The following COL28A1 variants were observed in gnomAD, a reference collection of about 807,000 sequenced individuals.
COL28A1 encodes the protein collagen alpha-1(XXVIII) chain.
A neutral mutation model predicts 150.2 loss-of-function variants in COL28A1; 161 were observed. The ratio of observed to expected loss-of-function variants is 1.07; its 90% confidence interval spans 0.94 to 1.22. COL28A1 has a LOEUF of 1.22. Among genes scored for constraint, COL28A1 ranks in the 50% most tolerant of loss-of-function variants. The pLI is 0.00. For synonymous variants in COL28A1, 552 were observed against 469.7 expected, an observed-to-expected ratio of 1.18 and a Z score of -2.26; for missense variants, 1,617 against 1,388.3, an observed-to-expected ratio of 1.16 and a Z score of -2.62.
At chr7:7,497,094 A>AAAGGAAGGAAGGAAGGAAGGAAGGAAGG (rs141012538) in intron 11 of COL28A1, among the ~76,000 whole-genome samples, 1 of 123,770 alleles carries the variant, frequency 8.1e-6, no homozygotes, top group Non-Finnish European at 1.6e-5. Context: ...AGGAAGGAAG[A>AAAGGAAGGAAGGAAGGAAGGAAGGAAGG]AAGGAAGGAA....
intron 30 of COL28A1, 89 bp from the exon 31 acceptor site, chr7:7,375,586 C>T (rs1294651): frequency 0.78 from 622,530 of 798,138 alleles, 242,975 homozygotes; most frequent in South Asian, 0.84. Context: ...ACAATCAGCA[C>T]TGGACCATTT....
rs542347001 is a variant in COL28A1 at position 7,445,556 on chromosome 7, C to T, written c.1510-1067G>A. On this transcript the variant is annotated intron_variant, in intron 18 of 34. Transcript: ENST00000399429. ...TAAAAGTGAAATAACAAATTTGTGC[C>T]CTAACAACACTTCCAGCTCTAATAT... Among the ~76,000 whole-genome samples, 3 of 152,202 alleles carry T rather than the reference C, an allele frequency of 2.0e-5. No individual in the cohort carries two copies. In the South Asian group the frequency reaches 6.2e-4, roughly 32 times the overall value.
chr7:7,438,579 G>A (rs1457596654), intron 21 of COL28A1, among the ~76,000 whole-genome samples: 8 of 152,194 alleles, frequency 5.3e-5, no homozygotes, highest in Non-Finnish European at 1.0e-4. Flanking sequence ...ACCGCACACC[G>A]CAAGGTGTTC....
At chr7:7,387,212 G>C (rs1192568112) in intron 27 of COL28A1, among the ~76,000 whole-genome samples, 1 of 152,116 alleles carries the variant, frequency 6.6e-6, no homozygotes, top group Non-Finnish European at 1.5e-5. Flanking sequence ...CCTGGGCCCA[G>C]ATCTTTAGAG....
At chr7:7,529,094 G>C (rs952175777) in intron 3 of COL28A1, among the ~76,000 whole-genome samples, 1 of 151,886 alleles carries the variant, frequency 6.6e-6, no homozygotes, top group Non-Finnish European at 1.5e-5. Flanking sequence ...CTGAGGTCAG[G>C]AGTTTGAGAA....
intron 11 of COL28A1, among the ~76,000 whole-genome samples, chr7:7,490,936 A>G (rs1779880882): frequency 6.6e-6 from 1 of 152,224 alleles, no homozygotes; most frequent in Non-Finnish European, 1.5e-5. Flanking sequence ...AAACATAATG[A>G]CTATATAACA....
chr7:7,406,409 G>A (rs1457182435), intron 27 of COL28A1, among the ~76,000 whole-genome samples: 1 of 152,136 alleles, frequency 6.6e-6, no homozygotes, highest in Non-Finnish European at 1.5e-5. Context: ...CCTACTATTT[G>A]CCAGATACTC....
intron 16 of COL28A1, among the ~76,000 whole-genome samples, chr7:7,455,164 C>A (rs1787044500): frequency 6.6e-6 from 1 of 152,198 alleles, no homozygotes; most frequent in African/African-American, 2.4e-5. Context: ...ACTATTCATT[C>A]TTTAAGCAAT....
intron 16 of COL28A1, among the ~76,000 whole-genome samples, chr7:7,454,673 C>T (rs1416321807): frequency 2.0e-5 from 3 of 152,102 alleles, no homozygotes; most frequent in Non-Finnish European, 4.4e-5. Flanking sequence ...GACTTGTCTT[C>T]GAACCTCATA....
intron 27 of COL28A1, among the ~76,000 whole-genome samples, chr7:7,410,487 G>C (rs938214146): frequency 6.6e-6 from 1 of 152,168 alleles, no homozygotes; most frequent in East Asian, 1.9e-4. Flanking sequence ...TAAGAGATAA[G>C]TCACAGAGGT....
upstream of COL28A1, among the ~76,000 whole-genome samples, chr7:7,538,044 C>G (rs961256800): frequency 2.0e-5 from 3 of 152,208 alleles, no homozygotes; most frequent in African/African-American, 7.2e-5. Context: ...GTCATCCATT[C>G]CCTTTCATTC....
At chr7:7,362,948 G>C (rs1780745370) in intron 33 of COL28A1, among the ~76,000 whole-genome samples, 1 of 152,080 alleles carries the variant, frequency 6.6e-6, no homozygotes, top group East Asian at 1.9e-4. Flanking sequence ...CTCCACATTG[G>C]CCTCCTGAGC....
Position 7,531,732 on chromosome 7 carries a change from G to A in COL28A1, c.297C>T (p.Ser99=). 3 of 1,607,466 alleles carry A rather than the reference G, an allele frequency of 1.9e-6. No individual in the cohort carries two copies. Among genetic ancestry groups the A allele is most frequent in the Non-Finnish European group, 2.6e-6 (3 of 1,173,862 alleles). ...AAGGTGGATCAATTTGGACAGAGCTGCTAAACTGAAGGGCTGCCAGTTTGA... is the reference window on the plus strand; with the variant it reads ...AAGGTGGATCAATTTGGACAGAGCTACTAAACTGAAGGGCTGCCAGTTTGA... ...YDIKLAALQF[S]SSVQIDPPFS... The change falls in exon 3 of 35, where the codon AGC becomes AGT. Residue 99 remains serine (S), a synonymous_variant. Transcript: ENST00000399429.
chr7:7,408,622 T>C (rs192631175), intron 27 of COL28A1, among the ~76,000 whole-genome samples: 28 of 152,280 alleles, frequency 1.8e-4, no homozygotes, highest in Non-Finnish European at 3.7e-4. Flanking sequence ...CCCACCCAAG[T>C]GCAGCTACAC....
intron 27 of COL28A1, among the ~76,000 whole-genome samples, chr7:7,389,316 G>T (rs1782388890): frequency 6.6e-6 from 1 of 152,122 alleles, no homozygotes; most frequent in African/African-American, 2.4e-5. Flanking sequence ...TAGATGTATA[G>T]TGTTATTTCT....
intron 27 of COL28A1, among the ~76,000 whole-genome samples, chr7:7,416,876 A>G (rs193290093): frequency 4.6e-5 from 7 of 152,270 alleles, no homozygotes; most frequent in Admixed American, 1.3e-4. Context: ...ACTGTCTCCT[A>G]CTGACTAAGA....
chr7:7,496,277 CA>C (rs1485800514), intron 11 of COL28A1, among the ~76,000 whole-genome samples: 2 of 152,172 alleles, frequency 1.3e-5, no homozygotes, highest in African/African-American at 4.8e-5. Context: ...TTTGCATTCT[CA>C]GTGTTTAGCT....
At chr7:7,483,721 C>G (rs1038044932) in intron 13 of COL28A1, among the ~76,000 whole-genome samples, 2 of 151,894 alleles carry the variant, frequency 1.3e-5, no homozygotes, top group African/African-American at 4.8e-5. Context: ...ACGTAAACTT[C>G]CTCAAGAATG....
Position 7,515,814 on chromosome 7 carries a change from C to G in COL28A1, c.882G>C (p.Lys294Asn). Residue 294 changes from lysine to asparagine, a missense_variant and splice_region_variant, in exon 8 of 35, where the codon AAG becomes AAC. Coordinates refer to ENST00000399429, the MANE Select transcript of COL28A1 (RefSeq NM_001037763.3). ...PGGIPGYKGD[K>N]GERGECGKPG... ...AATCTATTTGTTGTTACCAACTTACCTTGTCACCCTTGTACCCAGGAATTC... is the reference window on the plus strand; with the variant it reads ...AATCTATTTGTTGTTACCAACTTACGTTGTCACCCTTGTACCCAGGAATTC... The G allele has an allele frequency of 9.5e-7, 1 of 1,058,066 alleles. No individual in the cohort carries two copies. Among genetic ancestry groups the G allele is most frequent in the South Asian group, 1.3e-5 (1 of 78,184 alleles). The allele number at this position is 1,058,066 out of a possible 1,614,324, so 65.5% of individuals were successfully genotyped here. A position where few individuals can be genotyped will look rare whatever the true frequency, so the allele number is the denominator to read the frequency against.
Sources: gnomAD v4.1 joint callset for allele counts (sites outside exome capture counted in the v4.1 genomes callset) on GRCh38, gnomAD v4.1.1 for gene constraint, MANE v1.5 for transcripts, NCBI Gene and HGNC (gene_info 2026-07-23, HGNC 2026-07-21) for gene names.